The following IL1RAPL1 variants were observed in gnomAD, a reference collection of about 807,000 sequenced individuals.
The protein encoded by IL1RAPL1 is interleukin-1 receptor accessory protein-like 1.
In IL1RAPL1, 3 loss-of-function variants were observed where a neutral mutation model predicts 48.4. The observed-to-expected ratio is 0.06, with a 90% CI of 0.03 to 0.16. The LOEUF (loss-of-function observed/expected upper bound fraction) is 0.16, where lower values mean the gene tolerates loss of function less well. Ranked by LOEUF, IL1RAPL1 falls within the 10% of genes least tolerant of loss-of-function variation. IL1RAPL1 has a pLI of 1.00. For synonymous variants in IL1RAPL1, 185 were observed against 187.7 expected (o/e 0.99, Z 0.12); for missense variants, 349 against 530.6 (o/e 0.66, Z 3.36).
chrX:29,478,669 T>C (rs1935004087), intron 5 of IL1RAPL1, among the ~76,000 whole-genome samples: 1 of 111,271 alleles, frequency 9.0e-6, no homozygotes, highest in Admixed American at 9.5e-5. Context: ...AACTCCTGCC[T>C]CTCTCATCAC....
chrX:29,141,094 T>A, intron 2 of IL1RAPL1, among the ~76,000 whole-genome samples: 1 of 111,246 alleles, frequency 9.0e-6, no homozygotes. Flanking sequence ...ATTCTCATTG[T>A]ACAGATGAGA....
At position 29,955,959 on chromosome X, in the gene IL1RAPL1, C is replaced by G. The variant is rs1933412786; in HGVS notation, c.*139C>G. ...ACACGAGGAAAAACAGGGTCTTGTA[C>G]ATATGTTTTTTGGAATTTCTTTGTA... is the stretch of plus-strand genomic sequence containing the variant. On this transcript the variant is annotated 3_prime_UTR_variant, in exon 11 of 11. Coordinates refer to ENST00000378993, the MANE Select transcript of IL1RAPL1 (RefSeq NM_014271.4). 1.9e-6 allele frequency: 1 copy of G among 519,668 alleles called. No individual in the cohort carries two copies. Among genetic ancestry groups the G allele is most frequent in the African/African-American group, 2.3e-5 (1 of 42,729 alleles). The allele number at this position is 519,668 out of a possible 1,213,427, so 42.8% of individuals were successfully genotyped here. A position where few individuals can be genotyped will look rare whatever the true frequency, so the allele number is the denominator to read the frequency against.
At chrX:29,083,410 A>G (rs1201538686) in intron 2 of IL1RAPL1, among the ~76,000 whole-genome samples, 1 of 112,110 alleles carries the variant, frequency 8.9e-6, no homozygotes, top group Non-Finnish European at 1.9e-5. Flanking sequence ...ATAATGCATA[A>G]GAGATCACTG....
intron 1 of IL1RAPL1, among the ~76,000 whole-genome samples, chrX:28,662,925 TAGTC>T (rs1934838074): frequency 8.9e-6 from 1 of 111,741 alleles, no homozygotes; most frequent in Admixed American, 9.5e-5. Context: ...TACTTTCTCA[TAGTC>T]AGAATGTGGC....
intron 2 of IL1RAPL1, among the ~76,000 whole-genome samples, chrX:28,944,111 CA>C (rs1211390046): frequency 3.6e-5 from 4 of 110,350 alleles, no homozygotes; most frequent in Non-Finnish European, 7.6e-5. Flanking sequence ...TTAATAATCA[CA>C]AATTAGTTGT....
intron 5 of IL1RAPL1, among the ~76,000 whole-genome samples, chrX:29,605,071 AACACACACACACAC>A (rs757087732): frequency 0.022 from 1,450 of 65,029 alleles, 37 homozygotes; most frequent in African/African-American, 0.072. Flanking sequence ...CTAAGTCTTA[AACACACACACACAC>A]ACACACACAC....
At chrX:28,700,664 C>T (rs2146929776) in intron 1 of IL1RAPL1, among the ~76,000 whole-genome samples, 1 of 110,444 alleles carries the variant, frequency 9.1e-6, no homozygotes, top group South Asian at 3.9e-4. Flanking sequence ...TTAAGCCCCG[C>T]ATGCATTAGT....
At chrX:29,207,556 A>G (rs747772223) in intron 2 of IL1RAPL1, among the ~76,000 whole-genome samples, 13 of 112,134 alleles carry the variant, frequency 1.2e-4, no homozygotes, top group East Asian at 2.8e-4. Flanking sequence ...ATGGATAACT[A>G]TATCACCTTA....
chrX:29,548,163 C>T (rs1333463056), intron 5 of IL1RAPL1, among the ~76,000 whole-genome samples: 1 of 112,587 alleles, frequency 8.9e-6, no homozygotes, highest in African/African-American at 3.2e-5. Flanking sequence ...TCCTTTGACC[C>T]TAACTTGTTC....
chrX:29,066,269 T>G (rs760231808), intron 2 of IL1RAPL1, among the ~76,000 whole-genome samples: 18 of 112,113 alleles, frequency 1.6e-4, no homozygotes, highest in Non-Finnish European at 3.0e-4. Context: ...AGTATGAAGC[T>G]TGCAATGTCC....
At chrX:29,080,951 T>C (rs1286318424) in intron 2 of IL1RAPL1, among the ~76,000 whole-genome samples, 2 of 35,812 alleles carry the variant, frequency 5.6e-5, no homozygotes, top group African/African-American at 3.1e-4. Flanking sequence ...TTTCTTTCTT[T>C]CTTTCTTTCT....
intron 2 of IL1RAPL1, among the ~76,000 whole-genome samples, chrX:28,832,013 G>C (rs191793707): frequency 9.0e-6 from 1 of 110,974 alleles, no homozygotes. Context: ...ATTGGGTATA[G>C]TATGATATTT....
intron 8 of IL1RAPL1, among the ~76,000 whole-genome samples, chrX:29,925,204 C>T (rs1932875982): frequency 9.1e-6 from 1 of 110,288 alleles, no homozygotes; most frequent in South Asian, 3.9e-4. Flanking sequence ...CAGCATTTCC[C>T]TAGAAAGACA....
chrX:29,433,896 A>G (rs1160193594), intron 5 of IL1RAPL1, among the ~76,000 whole-genome samples: 1 of 109,835 alleles, frequency 9.1e-6, no homozygotes, highest in African/African-American at 3.3e-5. Flanking sequence ...ATGTACAGTA[A>G]TGAATGCATT....
chrX:28,615,199 G>GT (rs778402885), intron 1 of IL1RAPL1, among the ~76,000 whole-genome samples: 1,317 of 26,002 alleles, frequency 0.051, 195 homozygotes, highest in Middle Eastern at 0.12. Context: ...ACTGTTGTCT[G>GT]TTTTTTTTTT....
chrX:29,003,257 G>A (rs1221565495), intron 2 of IL1RAPL1, among the ~76,000 whole-genome samples: 2 of 111,129 alleles, frequency 1.8e-5, no homozygotes, highest in Admixed American at 9.6e-5. Context: ...AGGTAGGTAG[G>A]GGTCGTATCA....
intron 8 of IL1RAPL1, among the ~76,000 whole-genome samples, chrX:29,936,195 AG>A (rs1379975417): frequency 9.0e-6 from 1 of 110,659 alleles, no homozygotes; most frequent in Non-Finnish European, 1.9e-5. Flanking sequence ...TCCTCCTGCC[AG>A]GAACAAATAA....
intron 1 of IL1RAPL1, among the ~76,000 whole-genome samples, chrX:28,660,416 C>G (rs1447937875): frequency 9.0e-6 from 1 of 110,537 alleles, no homozygotes. Flanking sequence ...CACAAAGACC[C>G]TGCAATTTTC....
At chrX:29,000,854 G>A (rs1267654986) in intron 2 of IL1RAPL1, among the ~76,000 whole-genome samples, 1 of 107,498 alleles carries the variant, frequency 9.3e-6, no homozygotes, top group African/African-American at 3.4e-5. Context: ...TTCCAAAAAG[G>A]AGACTATTTC....
Sources: gnomAD v4.1 joint callset for allele counts (sites outside exome capture counted in the v4.1 genomes callset) on GRCh38, gnomAD v4.1.1 for gene constraint, MANE v1.5 for transcripts, NCBI Gene and HGNC (gene_info 2026-07-23, HGNC 2026-07-21) for gene names.